TEP1: variants seen among roughly 807,000 people sequenced by gnomAD.
TEP1 encodes the protein telomerase protein component 1.
Under a neutral mutation model 306.3 loss-of-function variants are expected in TEP1, and 241 were observed. That is an observed-to-expected ratio of 0.79 (90% CI 0.71 to 0.88). The LOEUF is 0.88. Among genes scored for constraint, TEP1 ranks in the 40% least tolerant of loss-of-function variants. The pLI, the probability that TEP1 is intolerant of heterozygous loss-of-function variation, is 0.00. For missense variants in TEP1, 3,051 were observed against 3,276.1 expected (o/e 0.93, Z 1.68); for synonymous variants, 1,289 against 1,305.5 (o/e 0.99, Z 0.27).
Position 20,408,249 on chromosome 14 carries a change from G to C in TEP1, c.191C>G (p.Pro64Arg). The change falls in exon 2 of 55, where the codon CCA (proline) becomes CGA (arginine). Residue 64 changes from proline (P) to arginine (R), a missense_variant. Pro to Arg is a moderately radical substitution (Grantham distance 103, BLOSUM62 -2). Coordinates refer to ENST00000262715, the MANE Select transcript of TEP1 (RefSeq NM_007110.5). The stretch of plus-strand genomic sequence containing the variant: ...TGGGTGGGCAGACACATATCCATGT[G>C]GTTTTTCCATGGTCTTCAGGTCAGG... ...TLPDLKTMEK[P>R]HGYVSAHPDI... The C allele has an allele frequency of 1.2e-6, 2 of 1,613,320 alleles. No individual in the cohort carries two copies. The highest frequency in any genetic ancestry group is 1.7e-6 in the Non-Finnish European group (2 of 1,179,514).
intron 49 of TEP1, 53 bp downstream of exon 49, chr14:20,372,680 C>T: frequency 1.2e-6 from 2 of 1,611,150 alleles, no homozygotes; most frequent in Non-Finnish European, 1.7e-6. Context: ...GGTAAAATGC[C>T]AGGAGTGAGG....
chr14:20,369,992 C>T (rs944699985), intron 51 of TEP1, among the ~76,000 whole-genome samples: 47 of 149,750 alleles, frequency 3.1e-4, no homozygotes, highest in Admixed American at 3.1e-3. Context: ...CGGTTCACTG[C>T]AACCTCTGCC....
chr14:20,388,977 G>A (rs997650153), intron 17 of TEP1, among the ~76,000 whole-genome samples: 79 of 152,144 alleles, frequency 5.2e-4, no homozygotes, highest in African/African-American at 1.8e-3. Context: ...GTGAAACCCC[G>A]TCTCTACTAA....
chr14:20,389,432 G>T, intron 16 of TEP1, 135 bp from the exon 17 acceptor site: 1 of 1,409,194 alleles, frequency 7.1e-7, no homozygotes, highest in Non-Finnish European at 9.9e-7. Context: ...GGCTAGGGTG[G>T]ACTCTCACAG....
chr14:20,377,448 C>A lies in TEP1; in HGVS notation c.5920G>T (p.Ala1974Ser), dbSNP rs752099970. 2 of 1,614,116 alleles carry A rather than the reference C, an allele frequency of 1.2e-6. No individual in the cohort carries two copies. The highest frequency in any genetic ancestry group is 1.7e-5 in the Admixed American group (1 of 60,014). The change falls in exon 41 of 55, where the codon GCC (alanine) becomes TCC (serine). Residue 1974 changes from alanine (A) to serine (S), a missense_variant. Ala to Ser is a moderately conservative substitution (Grantham distance 99). Coordinates refer to ENST00000262715, the MANE Select transcript of TEP1 (RefSeq NM_007110.5). The stretch of plus-strand genomic sequence containing the variant: ...ACCTTGGGGCTTAGCCAGGCCAGGG[C>A]GGACACTGCCACATCCAGTGCCTGA... The part of the protein sequence containing the change: ...QGQALDVAVS[A>S]LAWLSPKVLV...
rs575853436 is a variant in TEP1, at chr14:20,403,747, G to T, written c.1170C>A (p.His390Gln). 8.1e-6 allele frequency: 13 copies of T among 1,613,888 alleles called. No individual in the cohort carries two copies. Among genetic ancestry groups the T allele is most frequent in the African/African-American group, 5.3e-5 (4 of 74,916 alleles). Reference protein sequence around the residue: ...YNPRKHRAKRHPRRPPRSPGM... With the variant: ...YNPRKHRAKRQPRRPPRSPGM... ...CTGGAGAGCGGGGTGGCCGGCGGGGGTGTCTCTTGGCCCGGTGCTTCCGAG... is the reference window on the plus strand; with the variant it reads ...CTGGAGAGCGGGGTGGCCGGCGGGGTTGTCTCTTGGCCCGGTGCTTCCGAG... Residue 390 changes from histidine (H) to glutamine (Q), a missense_variant, in exon 6 of 55, where the codon CAC becomes CAA. Physicochemically the swap from His to Gln is conservative, Grantham distance 24 (BLOSUM62 0). Coordinates refer to ENST00000262715, the MANE Select transcript of TEP1 (RefSeq NM_007110.5).
chr14:20,380,364 G>A lies in TEP1; in HGVS notation c.4874C>T (p.Pro1625Leu), dbSNP rs1885457913. The change falls in exon 34 of 55, where the codon CCC becomes CTC. Residue 1625 changes from proline to leucine, a missense_variant. Physicochemically the swap from Pro to Leu is moderately conservative, Grantham distance 98. Around this residue, in one of 3 missense-constraint regions of TEP1, gnomAD observed 1,540 missense variants for 1,705.9 expected, o/e 0.90. Coordinates refer to ENST00000262715, the MANE Select transcript of TEP1 (RefSeq NM_007110.5). ...SILSQYPRLLPQQAANQPLDS... is the reference protein window; with the variant it reads ...SILSQYPRLLLQQAANQPLDS... Reference sequence around the variant, plus strand: ...CAGGGGCTGGTTGGCTGCCTGCTGGGGCAGGAGCCGGGGGTACTGGCTGAG... The same window carrying A: ...CAGGGGCTGGTTGGCTGCCTGCTGGAGCAGGAGCCGGGGGTACTGGCTGAG... The A allele has an allele frequency of 1.2e-6, 2 of 1,614,076 alleles. No homozygotes were observed. Among genetic ancestry groups the A allele is most frequent in the African/African-American group, 2.7e-5 (2 of 74,942 alleles).
chr14:20,403,870 T>C lies in TEP1; in HGVS notation c.1047A>G (p.Gly349=), dbSNP rs529974379. The C allele has an allele frequency of 5.6e-6, 9 of 1,613,894 alleles. No individual in the cohort carries two copies. In the Admixed American group the frequency reaches 6.7e-5, roughly 12 times the overall value. Residue 349 remains glycine (G), a synonymous_variant, in exon 6 of 55, where the codon GGA becomes GGG. Transcript: ENST00000262715. ...VAELYQSLAE[G]DKNKLVPLPA... is the part of the protein sequence containing the mutation. ...GCAGGGGCACCAGCTTATTCTTATCTCCCTCAGCCAGGCTCTGTCAAAGAG... is the reference window on the plus strand; with the variant it reads ...GCAGGGGCACCAGCTTATTCTTATCCCCCTCAGCCAGGCTCTGTCAAAGAG...
In TEP1 at chr14:20,389,261, TGA is replaced by T; in HGVS notation, c.2500_2501del (p.Ser834ArgfsTer4). Reference sequence around the variant, plus strand: ...ACTTCAGTATCGCATCAGTACAGCCTGAGAGTGTCACATCATTGGGATTCAAA... The same window carrying T: ...ACTTCAGTATCGCATCAGTACAGCCTGAGTGTCACATCATTGGGATTCAAA... ...TDLNPNDVTLSGCTDAILKFI... is the reference protein window; with the variant it reads ...TDLNPNDVTLXGCTDAILKFI... On this transcript the variant is annotated frameshift_variant, in exon 17 of 55. Coordinates refer to ENST00000262715, the MANE Select transcript of TEP1 (RefSeq NM_007110.5). LOFTEE classifies it high-confidence loss of function. 3 of 1,614,178 alleles carry T rather than the reference TGA, an allele frequency of 1.9e-6. No individual in the cohort carries two copies. Among genetic ancestry groups the T allele is most frequent in the Non-Finnish European group, 2.5e-6 (3 of 1,180,022 alleles).
At chr14:20,383,429 GC>G (rs1295936726) in intron 26 of TEP1, 58 bp downstream of exon 26, 2 of 1,611,636 alleles carry the variant, frequency 1.2e-6, no homozygotes, top group African/African-American at 1.3e-5. Context: ...TCTCCTCCGT[GC>G]CGTATCCCTC....
chr14:20,396,653 G>T lies in TEP1; in HGVS notation c.1627C>A (p.His543Asn), dbSNP rs1051801231. 1 of 1,611,878 alleles carries T rather than the reference G, an allele frequency of 6.2e-7. No homozygotes were observed. The highest frequency in any genetic ancestry group is 8.5e-7 in the Non-Finnish European group (1 of 1,178,104). ...LLRVGISSRH[H>N]ELILQRLQHA... ...TGGAGTCTCTGGAGAATGAGCTCAT[G>T]GTGGCGGGAACTGATTCCAACCCGC... Residue 543 changes from histidine to asparagine, a missense_variant, in exon 10 of 55, where the codon CAT becomes AAT. Transcript: ENST00000262715.
In TEP1 at chr14:20,376,177, C is replaced by T. The variant is rs1885165268; in HGVS notation, c.6176G>A (p.Gly2059Glu). Residue 2059 changes from glycine (G) to glutamate (E), a missense_variant, in exon 42 of 55, where the codon GGA becomes GAA. By Grantham distance (98) the Gly-to-Glu change is moderately conservative (BLOSUM62 -2). Coordinates refer to ENST00000262715, the MANE Select transcript of TEP1 (RefSeq NM_007110.5). ...EDFPCGTELR[G>E]HEGPVSCCSF... The stretch of plus-strand genomic sequence containing the variant: ...ACAGCAGCTCACAGGGCCCTCATGT[C>T]CCCGCAGCTCAGTGCCACAGGGAAA... 5.6e-6 allele frequency: 9 copies of T among 1,614,098 alleles called. No individual in the cohort carries two copies. The highest frequency in any genetic ancestry group is 1.3e-5 in the African/African-American group (1 of 74,944).
At chr14:20,399,547 T>G (rs2139160042) in intron 9 of TEP1, among the ~76,000 whole-genome samples, 1 of 150,296 alleles carries the variant, frequency 6.7e-6, no homozygotes, top group East Asian at 1.9e-4. Context: ...TTATTTATAT[T>G]TATTTTTGGC....
intron 21 of TEP1, 128 bp from the exon 22 acceptor site, chr14:20,384,841 G>C: frequency 1.3e-6 from 2 of 1,486,012 alleles, no homozygotes; most frequent in South Asian, 1.2e-5. Context: ...CCAGCACCAA[G>C]GCTGACGTGG....
intron 49 of TEP1, 70 bp from the exon 50 acceptor site, chr14:20,371,702 C>A (rs867525612): frequency 6.8e-7 from 1 of 1,478,550 alleles, no homozygotes. Flanking sequence ...TCCTCAATCC[C>A]ACATGAATTC....
intron 1 of TEP1, among the ~76,000 whole-genome samples, chr14:20,411,208 A>G (rs938231197): frequency 6.6e-6 from 1 of 151,776 alleles, no homozygotes; most frequent in Non-Finnish European, 1.5e-5. Flanking sequence ...CATACACAAA[A>G]CCCGACTTCC....
intron 29 of TEP1, 51 bp from the exon 30 acceptor site, chr14:20,382,114 C>T: frequency 6.2e-7 from 1 of 1,610,136 alleles, no homozygotes; most frequent in East Asian, 2.2e-5. Flanking sequence ...GGTGTCCCCG[C>T]CCCCACCACA....
chr14:20,384,310 G>T, intron 23 of TEP1, 78 bp from the exon 24 acceptor site: 1 of 1,608,202 alleles, frequency 6.2e-7, no homozygotes, highest in African/African-American at 1.3e-5. Flanking sequence ...CAGAGCCCCC[G>T]CCAAGCTACT....
intron 20 of TEP1, among the ~76,000 whole-genome samples, chr14:20,385,630 C>A (rs903884693): frequency 2.6e-5 from 4 of 152,222 alleles, no homozygotes; most frequent in Middle Eastern, 3.2e-3. Flanking sequence ...GCCTTGGTCT[C>A]CCAAACTGCT....
Sources: allele counts gnomAD v4.1 joint callset (sites outside exome capture counted in the v4.1 genomes callset), GRCh38; gene constraint gnomAD v4.1.1; regional missense constraint gnomAD v4.1.1; transcripts MANE v1.5; gene names NCBI Gene and HGNC (gene_info 2026-07-23, HGNC 2026-07-21).